DDX46: variants seen among roughly 807,000 people sequenced by gnomAD.
DDX46 encodes probable ATP-dependent RNA helicase DDX46.
DDX46 carries 30 observed loss-of-function variants against 134.9 expected under a neutral mutation model. That is an observed-to-expected ratio of 0.22 (90% CI 0.17 to 0.30). DDX46 has a LOEUF of 0.30. DDX46 is among the 10% of genes least tolerant of loss of function. The pLI, the probability that DDX46 is intolerant of heterozygous loss-of-function variation, is 1.00. For missense variants in DDX46, 622 were observed against 1,248.7 expected, an observed-to-expected ratio of 0.50 and a Z score of 7.56; for synonymous variants, 415 against 404.1, an observed-to-expected ratio of 1.03 and a Z score of -0.32.
rs542603079 is a variant in DDX46, at chr5:134,818,018, C to T, written c.2832+304C>T. Among the ~76,000 whole-genome samples, 12 of 150,350 alleles carry T rather than the reference C, an allele frequency of 8.0e-5. No homozygotes were observed. The South Asian group carries it at 1.5e-3, about 18-fold the overall frequency. On this transcript the variant is annotated intron_variant, in intron 20 of 22. Transcript: ENST00000452510. ...AGGCTGGGGTACAATGGTGCGATCT[C>T]GACTCACCTCAACCTCCGCCTCCCG...
chr5:134,809,140 A>G (rs1274253166), intron 16 of DDX46, among the ~76,000 whole-genome samples: 1 of 152,196 alleles, frequency 6.6e-6, no homozygotes, highest in African/African-American at 2.4e-5. Context: ...TTATTCTTCT[A>G]ACCTGTTGGA....
intron 8 of DDX46, 62 bp from the exon 9 acceptor site, chr5:134,782,883 A>G: frequency 1.9e-6 from 3 of 1,573,286 alleles, no homozygotes; most frequent in Non-Finnish European, 1.7e-6. Flanking sequence ...TGCCTAATTG[A>G]AAAGTAGAAG....
intron 22 of DDX46, among the ~76,000 whole-genome samples, chr5:134,827,894 G>A (rs535581625): frequency 4.4e-4 from 67 of 152,194 alleles, no homozygotes; most frequent in African/African-American, 1.5e-3. Context: ...TATATACCTC[G>A]GAGTAGAATT....
chr5:134,830,845 G>A lies in DDX46; in HGVS notation c.*2139G>A, dbSNP rs1300117833. On this transcript the variant is annotated 3_prime_UTR_variant, in exon 23 of 23. Transcript: ENST00000452510. Reference sequence around the variant, plus strand: ...GTTTTCTTTGGTAGAGTATATGGCAGTCCCACATCGATGATAATTGGTGCT... The same window carrying A: ...GTTTTCTTTGGTAGAGTATATGGCAATCCCACATCGATGATAATTGGTGCT... The A allele has an allele frequency of 1.3e-5, 2 of 152,574 alleles. No homozygotes were observed. The highest frequency in any genetic ancestry group is 4.8e-5 in the African/African-American group (2 of 41,426). 9.5% of individuals were successfully genotyped at this position (152,574 alleles called of 1,614,324 possible). A position where few individuals can be genotyped will look rare whatever the true frequency, so the allele number is the denominator to read the frequency against.
chr5:134,783,005 A>G lies in DDX46; in HGVS notation c.1106A>G (p.Lys369Arg), dbSNP rs759655720. Residue 369 changes from lysine to arginine, a missense_variant, in exon 9 of 23, where the codon AAA becomes AGA. Around this residue, in one of 8 missense-constraint regions of DDX46, gnomAD observed 63 missense variants for 84.0 expected, o/e 0.75. Transcript: ENST00000452510. Reference sequence around the variant, plus strand: ...ACAGTTAAAGGAAAAGGTTGCCCCAAACCAATTAAATCCTGGGTCCAGTGT... The same window carrying G: ...ACAGTTAAAGGAAAAGGTTGCCCCAGACCAATTAAATCCTGGGTCCAGTGT... ...GITVKGKGCP[K>R]PIKSWVQCGI... The G allele has an allele frequency of 1.9e-6, 3 of 1,613,884 alleles. No individual in the cohort carries two copies. In the African/African-American group the frequency reaches 4.0e-5, roughly 22 times the overall value.
chr5:134,811,606 T>G (rs1378409017), intron 17 of DDX46, 90 bp from the exon 18 acceptor site: 4 of 1,397,828 alleles, frequency 2.9e-6, no homozygotes, highest in African/African-American at 1.5e-5. Context: ...TACATTGACA[T>G]ACACCACCTT....
chr5:134,817,597 C>G lies in DDX46; in HGVS notation c.2715C>G (p.Ile905Met). 1 of 1,614,106 alleles carries G rather than the reference C, an allele frequency of 6.2e-7. No homozygotes were observed. Among genetic ancestry groups the G allele is most frequent in the Non-Finnish European group, 8.5e-7 (1 of 1,180,032 alleles). The change falls in exon 20 of 23, where the codon ATC (isoleucine) becomes ATG (methionine). Residue 905 changes from isoleucine (I) to methionine (M), a missense_variant. Around this residue, in one of 8 missense-constraint regions of DDX46, gnomAD observed 76 missense variants for 213.0 expected, o/e 0.36. Coordinates refer to ENST00000452510, the MANE Select transcript of DDX46 (RefSeq NM_001300860.2). Reference sequence around the variant, plus strand: ...TTGCAGAACAACTTGCTGAAAAGATCAATGCCAAGCTCAATTATGTGCCGT... The same window carrying G: ...TTGCAGAACAACTTGCTGAAAAGATGAATGCCAAGCTCAATTATGTGCCGT... ...KTIAEQLAEK[I>M]NAKLNYVPLE...
At chr5:134,773,535 G>A (rs1367991399) in intron 4 of DDX46, among the ~76,000 whole-genome samples, 161 bp from the exon 5 acceptor site, 1 of 152,064 alleles carries the variant, frequency 6.6e-6, no homozygotes, top group Non-Finnish European at 1.5e-5. Context: ...TATTTATAAA[G>A]GTATGTGATC....
chr5:134,811,385 C>G (rs766102735), intron 17 of DDX46, 27 bp downstream of exon 17: 4 of 1,606,266 alleles, frequency 2.5e-6, no homozygotes. Flanking sequence ...TGTTACTCTT[C>G]TAGAAATCAT....
In DDX46 at chr5:134,817,573, T is replaced by C; in HGVS notation, c.2691T>C (p.Ile897=). ...CTCCCACTGTTTCTGCAAAAACCATTGCAGAACAACTTGCTGAAAAGATCA... is the reference window on the plus strand; with the variant it reads ...CTCCCACTGTTTCTGCAAAAACCATCGCAGAACAACTTGCTGAAAAGATCA... The part of the protein sequence containing the change: ...ILAPTVSAKT[I]AEQLAEKINA... Residue 897 remains isoleucine (I), a synonymous_variant, in exon 20 of 23, where the codon ATT becomes ATC. Transcript: ENST00000452510. 6.2e-7 allele frequency: 1 copy of C among 1,614,158 alleles called. No individual in the cohort carries two copies. The highest frequency in any genetic ancestry group is 8.5e-7 in the Non-Finnish European group (1 of 1,180,036).
Position 134,766,017 on chromosome 5 carries a change from A to T in DDX46, c.207-900A>T, listed in dbSNP as rs527893013. Among the ~76,000 whole-genome samples, 4 of 152,304 alleles carry T rather than the reference A, an allele frequency of 2.6e-5. No individual in the cohort carries two copies. The East Asian group carries it at 7.7e-4, about 29-fold the overall frequency. On this transcript the variant is annotated intron_variant, in intron 2 of 22. Coordinates refer to ENST00000452510, the MANE Select transcript of DDX46 (RefSeq NM_001300860.2). ...CTAGTGAAGTCTCCATATTTTATAGATGATGAAACTGAGACCCAGAAAGTT... is the reference window on the plus strand; with the variant it reads ...CTAGTGAAGTCTCCATATTTTATAGTTGATGAAACTGAGACCCAGAAAGTT...
chr5:134,763,024 A>G (rs894861555), intron 1 of DDX46, among the ~76,000 whole-genome samples: 19 of 152,080 alleles, frequency 1.2e-4, no homozygotes, highest in Non-Finnish European at 2.4e-4. Context: ...GTGCCACTGC[A>G]CTCCAGCCTA....
At chr5:134,817,366 T>G in intron 19 of DDX46, 130 bp from the exon 20 acceptor site, 1 of 807,388 alleles carries the variant, frequency 1.2e-6, no homozygotes, top group Middle Eastern at 3.4e-4. Flanking sequence ...AATGAGACTA[T>G]GCATTAGAAA....
intron 20 of DDX46, 95 bp downstream of exon 20, chr5:134,817,809 C>A: frequency 1.0e-6 from 1 of 972,812 alleles, no homozygotes; most frequent in Non-Finnish European, 1.5e-6. Flanking sequence ...ATTTTAATAG[C>A]TCCTTCACTC....
intron 13 of DDX46, among the ~76,000 whole-genome samples, chr5:134,794,090 A>G (rs1213680992): frequency 1.3e-5 from 2 of 152,190 alleles, no homozygotes. Context: ...GAATGCAACA[A>G]TAACAGGCAG....
intron 9 of DDX46, among the ~76,000 whole-genome samples, chr5:134,783,298 G>C (rs1754214585): frequency 6.6e-6 from 1 of 151,176 alleles, no homozygotes; most frequent in Non-Finnish European, 1.5e-5. Context: ...TGCCCAGGGT[G>C]GAGTGCAGTG....
chr5:134,787,198 G>A lies in DDX46; in HGVS notation c.1465-1315G>A, dbSNP rs1379729414. The stretch of plus-strand genomic sequence containing the variant: ...CTTGGCTTCCCTTTGTAACACCTCC[G>A]AAAGGTATAGACGTGAGCCACTGTG... On this transcript the variant is annotated intron_variant, in intron 11 of 22. Transcript: ENST00000452510. Among the ~76,000 whole-genome samples the A allele has an allele frequency of 5.3e-5, 8 of 152,154 alleles. No individual in the cohort carries two copies. The East Asian group carries it at 1.4e-3, about 26-fold the overall frequency.
intron 16 of DDX46, among the ~76,000 whole-genome samples, chr5:134,808,634 C>A (rs1235268020): frequency 2.0e-5 from 3 of 151,850 alleles, no homozygotes. Flanking sequence ...TAAAATATAC[C>A]CATCTCCACA....
chr5:134,765,992 CT>C (rs947199118), intron 2 of DDX46, among the ~76,000 whole-genome samples: 22 of 152,144 alleles, frequency 1.4e-4, no homozygotes, highest in African/African-American at 4.8e-4. Flanking sequence ...TTAAAGATGT[CT>C]AGTGAAGTCT....
Sources: allele counts gnomAD v4.1 joint callset (sites outside exome capture counted in the v4.1 genomes callset), GRCh38; gene constraint gnomAD v4.1.1; regional missense constraint gnomAD v4.1.1; transcripts MANE v1.5; gene names NCBI Gene and HGNC (gene_info 2026-07-23, HGNC 2026-07-21).